PHLDB2: variants seen among roughly 807,000 people sequenced by gnomAD.
PHLDB2 encodes the protein pleckstrin homology like domain family B member 2.
A neutral mutation model predicts 123.6 loss-of-function variants in PHLDB2; 71 were observed. The ratio of observed to expected loss-of-function variants is 0.57; its 90% CI spans 0.47 to 0.70. The LOEUF (loss-of-function observed/expected upper bound fraction) is 0.70, where lower values mean the gene tolerates loss of function less well. Among genes scored for constraint, PHLDB2 ranks in the 30% least tolerant of loss-of-function variants. The pLI is 0.00. For synonymous variants in PHLDB2, 547 were observed against 541.6 expected, an observed-to-expected ratio of 1.01 and a Z score of -0.14; for missense variants, 1,446 against 1,519.5, an observed-to-expected ratio of 0.95 and a Z score of 0.80.
chr3:111,884,548 G>A lies in PHLDB2; in HGVS notation c.471G>A (p.Ser157=), dbSNP rs766896787. 9 of 1,613,962 alleles carry A rather than the reference G, an allele frequency of 5.6e-6. No homozygotes were observed. Among genetic ancestry groups the A allele is most frequent in the Non-Finnish European group, 5.9e-6 (7 of 1,180,036 alleles). The change falls in exon 2 of 18, where the codon TCG becomes TCA. Residue 157 remains serine, a synonymous_variant. Coordinates refer to ENST00000431670, the MANE Select transcript of PHLDB2 (RefSeq NM_001134438.2). ...CCAAATATAGCTCAAGGCATAAATC[G>A]CATGACAATGTCTACTCTCTTGGAG... ...PYSKYSSRHK[S]HDNVYSLGGL...
intron 2 of PHLDB2, among the ~76,000 whole-genome samples, chr3:111,910,126 G>T (rs1290900181): frequency 6.6e-6 from 1 of 151,994 alleles, no homozygotes; most frequent in Non-Finnish European, 1.5e-5. Context: ...CATACCCCTA[G>T]CCCATCACCA....
chr3:111,767,466 G>C (rs912857031), intron 1 of PHLDB2, among the ~76,000 whole-genome samples: 4 of 152,206 alleles, frequency 2.6e-5, no homozygotes, highest in Non-Finnish European at 4.4e-5. Flanking sequence ...TTGGAAACAG[G>C]CATTTTCACT....
At chr3:111,941,891 G>T (rs1241416698) in intron 8 of PHLDB2, among the ~76,000 whole-genome samples, 1 of 152,130 alleles carries the variant, frequency 6.6e-6, no homozygotes, top group East Asian at 1.9e-4. Flanking sequence ...CCCATTTGGG[G>T]TGCCCCAGCA....
chr3:111,811,571 C>A (rs777034359), intron 1 of PHLDB2, among the ~76,000 whole-genome samples: 14 of 152,034 alleles, frequency 9.2e-5, no homozygotes, highest in Non-Finnish European at 1.8e-4. Flanking sequence ...TGCTCTGTGA[C>A]AAGATTCAGG....
At chr3:111,816,269 G>A (rs1223420802) in intron 1 of PHLDB2, among the ~76,000 whole-genome samples, 3 of 152,140 alleles carry the variant, frequency 2.0e-5, no homozygotes, top group Non-Finnish European at 4.4e-5. Flanking sequence ...CTACCATCCT[G>A]CAGACCCCAG....
intron 1 of PHLDB2, among the ~76,000 whole-genome samples, chr3:111,834,860 G>T (rs962680752): frequency 6.6e-6 from 1 of 151,764 alleles, no homozygotes; most frequent in Non-Finnish European, 1.5e-5. Context: ...GTCTTTTTTA[G>T]ACCCTAACAT....
intron 1 of PHLDB2, among the ~76,000 whole-genome samples, chr3:111,759,793 G>A (rs2059962922): frequency 6.6e-6 from 1 of 152,204 alleles, no homozygotes; most frequent in Non-Finnish European, 1.5e-5. Context: ...TACAAGAGAT[G>A]ACGTCAGATT....
At chr3:111,870,118 G>C (rs1053776162) in intron 1 of PHLDB2, among the ~76,000 whole-genome samples, 2 of 152,198 alleles carry the variant, frequency 1.3e-5, no homozygotes, top group Non-Finnish European at 2.9e-5. Flanking sequence ...ACAGAGGTTA[G>C]AAAGCCAGGA....
At chr3:111,770,485 C>A (rs1278660801) in intron 1 of PHLDB2, among the ~76,000 whole-genome samples, 3 of 152,132 alleles carry the variant, frequency 2.0e-5, no homozygotes, top group Non-Finnish European at 4.4e-5. Flanking sequence ...TGTTGTTCCC[C>A]AGACACAACA....
At chr3:111,855,354 C>T (rs558591768), upstream of PHLDB2, among the ~76,000 whole-genome samples, 1 of 152,154 alleles carries the variant, frequency 6.6e-6, no homozygotes, top group East Asian at 1.9e-4. Flanking sequence ...AAACAGAAAA[C>T]TTTATTATAA....
At chr3:111,760,377 A>T (rs2059971717) in intron 1 of PHLDB2, among the ~76,000 whole-genome samples, 1 of 152,224 alleles carries the variant, frequency 6.6e-6, no homozygotes, top group Admixed American at 6.5e-5. Context: ...TGAGATAAAA[A>T]AAATTGTCCT....
rs554470576 is a variant in PHLDB2 at position 111,946,651 on chromosome 3, C to T, written c.2487+1294C>T. Reference sequence around the variant, plus strand: ...GTGGTTGTGAATGGAATGTCATGGCCTAAGACAATGTTAGCAAGGTGGGTA... The same window carrying T: ...GTGGTTGTGAATGGAATGTCATGGCTTAAGACAATGTTAGCAAGGTGGGTA... On this transcript the variant is annotated intron_variant, in intron 9 of 17. Coordinates refer to ENST00000431670, the MANE Select transcript of PHLDB2 (RefSeq NM_001134438.2). Among the ~76,000 whole-genome samples, 6 of 152,300 alleles carry T rather than the reference C, an allele frequency of 3.9e-5. No homozygotes were observed. In the East Asian group the frequency reaches 1.2e-3, roughly 29 times the overall value.
intron 1 of PHLDB2, among the ~76,000 whole-genome samples, chr3:111,767,456 T>C (rs1477570370): frequency 1.3e-5 from 2 of 152,214 alleles, no homozygotes; most frequent in Non-Finnish European, 2.9e-5. Flanking sequence ...TAACTTAGAA[T>C]TGGAAACAGG....
At chr3:111,856,424 T>C (rs561345484), upstream of PHLDB2, among the ~76,000 whole-genome samples, 31 of 152,344 alleles carry the variant, frequency 2.0e-4, no homozygotes, top group Middle Eastern at 3.4e-3. Context: ...TTTTTACTTA[T>C]AAAATGGGAG....
At chr3:111,892,953 G>A (rs1478556365) in intron 2 of PHLDB2, among the ~76,000 whole-genome samples, 1 of 152,196 alleles carries the variant, frequency 6.6e-6, no homozygotes, top group African/African-American at 2.4e-5. Flanking sequence ...AAACAGGTTG[G>A]TATTATTTAA....
At chr3:111,882,062 A>T (rs149115240) in intron 1 of PHLDB2, among the ~76,000 whole-genome samples, 3 of 152,200 alleles carry the variant, frequency 2.0e-5, no homozygotes, top group Non-Finnish European at 4.4e-5. Context: ...CATTTTATGA[A>T]TGTACTTTTT....
chr3:111,794,436 A>G (rs1227187153), intron 1 of PHLDB2, among the ~76,000 whole-genome samples: 1 of 152,194 alleles, frequency 6.6e-6, no homozygotes, highest in Non-Finnish European at 1.5e-5. Flanking sequence ...TCTTTCAGTG[A>G]TATGAAGTTA....
rs557828272 is a variant in PHLDB2, at chr3:111,844,296, G to T, written c.-48-1525G>T. On this transcript the variant is annotated intron_variant, in intron 1 of 17. Transcript: ENST00000393923. ...CCTCCAAATATACATCTCTAATCTT[G>T]TTCTCTACCCTGCACTTCACTTGGA... 7.2e-5 allele frequency among the ~76,000 whole-genome samples: 11 copies of T among 151,994 alleles called. No individual in the cohort carries two copies. The South Asian group carries it at 2.1e-3, about 29-fold the overall frequency.
rs902779003 is a variant in PHLDB2, at chr3:111,952,494, T to A, written c.2632-78T>A. On this transcript the variant is annotated intron_variant, in intron 10 of 17. Coordinates refer to ENST00000431670, the MANE Select transcript of PHLDB2 (RefSeq NM_001134438.2). ...TTAAAATTCCAGTTTTTTTTGTAAG[T>A]GCATAATTCTTCATTTCTTCAGTCA... 9 of 1,491,340 alleles carry A rather than the reference T, an allele frequency of 6.0e-6. No individual in the cohort carries two copies. The African/African-American group carries it at 1.1e-4, about 19-fold the overall frequency. The allele number at this position is 1,491,340 out of a possible 1,614,324, so 92.4% of individuals were successfully genotyped here. A position where few individuals can be genotyped will look rare whatever the true frequency, so the allele number is the denominator to read the frequency against.
Sources: gnomAD v4.1 joint callset for allele counts (sites outside exome capture counted in the v4.1 genomes callset) on GRCh38, gnomAD v4.1.1 for gene constraint, MANE v1.5 for transcripts, NCBI Gene and HGNC (gene_info 2026-07-23, HGNC 2026-07-21) for gene names.